The following CNTN4 variants were observed in gnomAD, a reference collection of about 807,000 sequenced individuals.
The protein encoded by CNTN4 is contactin-4.
In CNTN4, 77 loss-of-function variants were observed where a neutral mutation model predicts 122.5. The observed-to-expected ratio is 0.63, with a 90% CI of 0.52 to 0.76. The LOEUF is 0.76. Ranked by LOEUF, CNTN4 falls within the 30% of genes least tolerant of loss-of-function variation. CNTN4 has a pLI of 0.00. For synonymous variants in CNTN4, 512 were observed against 447.0 expected, an observed-to-expected ratio of 1.15 and a Z score of -1.83; for missense variants, 1,256 against 1,259.1, an observed-to-expected ratio of 1.00 and a Z score of 0.04.
intron 3 of CNTN4, among the ~76,000 whole-genome samples, chr3:2,538,707 G>A (rs1001007603): frequency 1.3e-5 from 2 of 151,480 alleles, no homozygotes; most frequent in African/African-American, 4.8e-5. Context: ...TCTTAAATTG[G>A]CTAATTTTTA....
At chr3:2,521,343 T>TCGGCCCCCCCC (rs781282977) in intron 3 of CNTN4, among the ~76,000 whole-genome samples, 5 of 128,304 alleles carry the variant, frequency 3.9e-5, no homozygotes, top group East Asian at 2.3e-4. Context: ...CCTCTACCCA[T>TCGGCCCCCCCC]CCCCCCCACC....
At chr3:2,482,053 C>G (rs550922420) in intron 3 of CNTN4, among the ~76,000 whole-genome samples, 11 of 152,204 alleles carry the variant, frequency 7.2e-5, no homozygotes, top group African/African-American at 2.7e-4. Context: ...AATGTGAAAG[C>G]GATTTTGTAA....
chr3:2,840,458 T>C (rs987277929), intron 7 of CNTN4, among the ~76,000 whole-genome samples: 18 of 150,386 alleles, frequency 1.2e-4, no homozygotes, highest in South Asian at 4.3e-4. Context: ...CCCAGCACTT[T>C]GGGAGGCCGA....
intron 2 of CNTN4, among the ~76,000 whole-genome samples, chr3:2,173,166 C>T (rs952480886): frequency 2.0e-5 from 3 of 152,194 alleles, no homozygotes; most frequent in Admixed American, 6.5e-5. Flanking sequence ...CTTTGCCAGA[C>T]TCATCAAATA....
intron 4 of CNTN4, among the ~76,000 whole-genome samples, chr3:2,610,551 C>T (rs953686301): frequency 1.3e-5 from 2 of 152,092 alleles, no homozygotes; most frequent in African/African-American, 2.4e-5. Context: ...CTCATGATGA[C>T]GTGTTGTTTT....
At chr3:2,979,558 T>G (rs949876149) in intron 13 of CNTN4, among the ~76,000 whole-genome samples, 6 of 152,128 alleles carry the variant, frequency 3.9e-5, no homozygotes, top group Admixed American at 3.9e-4. Context: ...CAAACACGTT[T>G]TCTGGAACCA....
At chr3:2,858,534 T>A (rs2093639627) in intron 7 of CNTN4, among the ~76,000 whole-genome samples, 1 of 152,000 alleles carries the variant, frequency 6.6e-6, no homozygotes, top group Admixed American at 6.6e-5. Flanking sequence ...ACGGCAAGCT[T>A]GGCCAAAATG....
At chr3:2,284,202 G>A (rs2041826097) in intron 2 of CNTN4, among the ~76,000 whole-genome samples, 1 of 152,164 alleles carries the variant, frequency 6.6e-6, no homozygotes, top group African/African-American at 2.4e-5. Flanking sequence ...TTAGAATGAT[G>A]CCTGTAGACT....
chr3:2,187,233 G>A (rs979024900), intron 2 of CNTN4, among the ~76,000 whole-genome samples: 3 of 152,138 alleles, frequency 2.0e-5, no homozygotes, highest in Non-Finnish European at 4.4e-5. Context: ...AGATCAGATG[G>A]TTGTAGATGT....
In CNTN4 at chr3:2,986,019, A is replaced by G. The variant is rs373573072; in HGVS notation, c.1359-2326A>G. Among the ~76,000 whole-genome samples the G allele has an allele frequency of 2.0e-5, 3 of 147,804 alleles. 1 individual carries two copies. The highest frequency in any genetic ancestry group is 4.3e-4 in the South Asian group (2 of 4,678). ...AACCTCCACCTCCTAGATTCAAGCC[A>G]TCCTCCCACCTCAGCCCCCCAAGTA... is the stretch of plus-strand genomic sequence containing the variant. On this transcript the variant is annotated intron_variant, in intron 13 of 24. Transcript: ENST00000418658.
At position 2,717,130 on chromosome 3, in the gene CNTN4, A is replaced by T. The variant is rs184155133; in HGVS notation, c.56-19085A>T. Among the ~76,000 whole-genome samples, 3 of 152,216 alleles carry T rather than the reference A, an allele frequency of 2.0e-5. No individual in the cohort carries two copies. In the East Asian group the frequency reaches 5.8e-4, roughly 29 times the overall value. ...TTTTCAATTCTCTTGGGTATTGTGC[A>T]AAAAAGAGTTAACAGGCCTGACTGC... On this transcript the variant is annotated intron_variant, in intron 4 of 24. Transcript: ENST00000418658.
intron 13 of CNTN4, among the ~76,000 whole-genome samples, chr3:2,980,872 G>A (rs568700710): frequency 6.6e-6 from 1 of 152,284 alleles, no homozygotes; most frequent in African/African-American, 2.4e-5. Flanking sequence ...AACTCGTGGG[G>A]AAGCTGGCTG....
At chr3:2,531,895 G>C (rs1559645851) in intron 3 of CNTN4, among the ~76,000 whole-genome samples, 1 of 152,172 alleles carries the variant, frequency 6.6e-6, no homozygotes, top group Non-Finnish European at 1.5e-5. Flanking sequence ...ACCTGTGGCA[G>C]TGTTCGCTCT....
At chr3:2,402,845 G>T (rs569879414) in intron 3 of CNTN4, among the ~76,000 whole-genome samples, 1 of 152,072 alleles carries the variant, frequency 6.6e-6, no homozygotes, top group African/African-American at 2.4e-5. Context: ...TCTTTAAGCA[G>T]GTTATACCTT....
At chr3:2,561,691 G>T (rs1397001002) in intron 3 of CNTN4, among the ~76,000 whole-genome samples, 1 of 152,146 alleles carries the variant, frequency 6.6e-6, no homozygotes, top group Non-Finnish European at 1.5e-5. Flanking sequence ...TATGAAAGAG[G>T]AAAGTGAGGC....
intron 3 of CNTN4, among the ~76,000 whole-genome samples, chr3:2,545,242 T>G (rs2078195146): frequency 6.6e-6 from 1 of 151,994 alleles, no homozygotes; most frequent in Non-Finnish European, 1.5e-5. Flanking sequence ...GCTACAATTT[T>G]GAGTTTTTTG....
intron 3 of CNTN4, among the ~76,000 whole-genome samples, chr3:2,379,595 T>G (rs747950684): frequency 1.2e-4 from 19 of 152,314 alleles, no homozygotes; most frequent in Non-Finnish European, 1.3e-4. Flanking sequence ...ATAAAATATG[T>G]CAGGGATAGG....
intron 3 of CNTN4, among the ~76,000 whole-genome samples, chr3:2,504,276 C>T (rs576371339): frequency 2.0e-4 from 30 of 152,254 alleles, no homozygotes; most frequent in African/African-American, 7.0e-4. Flanking sequence ...GACAATTTCC[C>T]TCTTCCTTTC....
intron 5 of CNTN4, among the ~76,000 whole-genome samples, chr3:2,744,015 A>C (rs1248658052): frequency 6.6e-6 from 1 of 152,132 alleles, no homozygotes; most frequent in Non-Finnish European, 1.5e-5. Context: ...GCGTTGTGCC[A>C]TGTTGCCCAA....
Sources: allele counts gnomAD v4.1 joint callset (sites outside exome capture counted in the v4.1 genomes callset), GRCh38; gene constraint gnomAD v4.1.1; transcripts MANE v1.5; gene names NCBI Gene and HGNC (gene_info 2026-07-23, HGNC 2026-07-21).